The following HEATR5B variants were observed in gnomAD, a reference collection of about 807,000 sequenced individuals.
HEATR5B encodes the protein HEAT repeat-containing protein 5B.
A neutral mutation model predicts 224.1 loss-of-function variants in HEATR5B; 156 were observed. The ratio of observed to expected loss-of-function variants is 0.70; its 90% CI spans 0.61 to 0.80. The LOEUF is 0.80. HEATR5B is among the 30% of genes least tolerant of loss of function. The pLI, the probability that HEATR5B is intolerant of heterozygous loss-of-function variation, is 0.00. For missense variants in HEATR5B, 2,323 were observed against 2,535.5 expected, an observed-to-expected ratio of 0.92 and a Z score of 1.80; for synonymous variants, 1,027 against 893.0, an observed-to-expected ratio of 1.15 and a Z score of -2.68.
intron 18 of HEATR5B, among the ~76,000 whole-genome samples, chr2:37,042,073 T>C (rs1669906648): frequency 6.6e-6 from 1 of 152,022 alleles, no homozygotes; most frequent in South Asian, 2.1e-4. Context: ...TGAATTCAAA[T>C]ACATAAAAAG....
At chr2:37,040,806 G>C (rs1669824659) in intron 19 of HEATR5B, among the ~76,000 whole-genome samples, 1 of 151,700 alleles carries the variant, frequency 6.6e-6, no homozygotes, top group South Asian at 2.1e-4. Context: ...ATCACAGGAA[G>C]AGAGAGAAGG....
In HEATR5B at chr2:37,056,349, T is replaced by G; in HGVS notation, c.2399+91A>C. 4.8e-6 allele frequency: 4 copies of G among 827,894 alleles called. 1 individual carries two copies. In the South Asian group the frequency reaches 9.5e-5, roughly 20 times the overall value. The allele number at this position is 827,894 out of a possible 1,614,324, so 51.3% of individuals were successfully genotyped here. On this transcript the variant is annotated intron_variant, in intron 16 of 35. Coordinates refer to ENST00000233099, the MANE Select transcript of HEATR5B (RefSeq NM_019024.3). ...GTTTTAAGTATTATAATAACTCACT[T>G]TATTGCAGAGTTAACTGGGATGAGA...
At chr2:37,008,069 G>GA in intron 28 of HEATR5B, 1 of 156,202 alleles carries the variant, frequency 6.4e-6, no homozygotes, top group Non-Finnish European at 1.4e-5. Flanking sequence ...ATTAAGGAAG[G>GA]AAAAAAGGGG....
Position 37,052,899 on chromosome 2 carries a change from C to CT in HEATR5B, c.2505+602dup, listed in dbSNP as rs1241710281. On this transcript the variant is annotated intron_variant, in intron 17 of 35. Coordinates refer to ENST00000233099, the MANE Select transcript of HEATR5B (RefSeq NM_019024.3). ...ACTCAGAATGTTGCACAATTGAAAA[C>CT]TTATAAATTATTTCGGGAAATTTCC... 3.3e-5 allele frequency among the ~76,000 whole-genome samples: 5 copies of CT among 152,284 alleles called. No homozygotes were observed. In the South Asian group the frequency reaches 1.0e-3, roughly 32 times the overall value.
At chr2:37,065,683 G>T in intron 9 of HEATR5B, 72 bp downstream of exon 9, 2 of 1,279,320 alleles carry the variant, frequency 1.6e-6, no homozygotes, top group South Asian at 2.7e-5. Flanking sequence ...AACTAATCAG[G>T]AATTAAATAT....
chr2:37,005,799 A>T (rs759358484), intron 29 of HEATR5B, 40 bp from the exon 30 acceptor site: 8 of 1,484,896 alleles, frequency 5.4e-6, no homozygotes, highest in Non-Finnish European at 6.3e-6. Context: ...TTCACTTATA[A>T]AACACTTTAT....
At chr2:36,988,612 C>G (rs1286327576) in intron 35 of HEATR5B, 34 bp downstream of exon 35, 1 of 1,524,958 alleles carries the variant, frequency 6.6e-7, no homozygotes, top group Admixed American at 1.7e-5. Flanking sequence ...GATCTTCATT[C>G]TGAACTAGTA....
intron 23 of HEATR5B, 113 bp downstream of exon 23, chr2:37,028,568 C>A (rs1363043101): frequency 1.5e-5 from 12 of 781,666 alleles, no homozygotes; most frequent in Middle Eastern, 4.0e-4. Context: ...AAAGTTATTA[C>A]TTTTAAATAA....
chr2:36,991,426 T>C (rs1303702280), intron 33 of HEATR5B, among the ~76,000 whole-genome samples: 1 of 142,550 alleles, frequency 7.0e-6, no homozygotes, highest in Non-Finnish European at 1.5e-5. Context: ...ACCGGGGAGG[T>C]GGAGGTTGCA....
chr2:37,062,331 G>A (rs2148563697), intron 10 of HEATR5B, among the ~76,000 whole-genome samples: 1 of 152,308 alleles, frequency 6.6e-6, no homozygotes, highest in Admixed American at 6.5e-5. Context: ...TTGGGAGGCT[G>A]AGGCAGGAGA....
chr2:37,044,900 T>A (rs1227636715), intron 18 of HEATR5B, among the ~76,000 whole-genome samples: 2 of 152,222 alleles, frequency 1.3e-5, no homozygotes, highest in Non-Finnish European at 2.9e-5. Context: ...ACTGGAATGA[T>A]CTTTTCTCAA....
At chr2:37,051,249 G>A (rs1041660147) in intron 17 of HEATR5B, among the ~76,000 whole-genome samples, 7 of 148,992 alleles carry the variant, frequency 4.7e-5, no homozygotes, top group Non-Finnish European at 7.4e-5. Flanking sequence ...TCAGCTACTC[G>A]GGAGGCTGAG....
At chr2:37,064,530 C>T (rs563092534) in intron 10 of HEATR5B, among the ~76,000 whole-genome samples, 15 of 151,982 alleles carry the variant, frequency 9.9e-5, no homozygotes, top group African/African-American at 2.4e-4. Context: ...TAACATGTTA[C>T]TAGACTTGGA....
intron 30 of HEATR5B, among the ~76,000 whole-genome samples, 192 bp from the exon 31 acceptor site, chr2:37,003,878 C>T (rs1667248836): frequency 6.6e-6 from 1 of 152,152 alleles, no homozygotes; most frequent in African/African-American, 2.4e-5. Flanking sequence ...TATGTATTTT[C>T]AAGCAACAAA....
Position 36,994,224 on chromosome 2 carries a change from G to A in HEATR5B, c.5546-3425C>T, listed in dbSNP as rs1055918726. 2.0e-5 allele frequency among the ~76,000 whole-genome samples: 3 copies of A among 152,248 alleles called. 1 individual carries two copies. The South Asian group carries it at 6.2e-4, about 32-fold the overall frequency. ...AAAATGTTGACAACTGGTGAATCTA[G>A]GAGAAGGGTATGCTGGAGTTCCTTA... On this transcript the variant is annotated intron_variant, in intron 33 of 35. Coordinates refer to ENST00000233099, the MANE Select transcript of HEATR5B (RefSeq NM_019024.3).
At chr2:37,020,499 G>A (rs150065596) in intron 25 of HEATR5B, among the ~76,000 whole-genome samples, 156 bp downstream of exon 25, 111 of 152,286 alleles carry the variant, frequency 7.3e-4, no homozygotes, top group African/African-American at 2.6e-3. Flanking sequence ...TTTGTGGGGT[G>A]ACTAAAACTA....
chr2:37,044,874 C>G lies in HEATR5B; in HGVS notation c.2697-3582G>C, dbSNP rs149129364. On this transcript the variant is annotated intron_variant, in intron 18 of 35. Coordinates refer to ENST00000233099, the MANE Select transcript of HEATR5B (RefSeq NM_019024.3). ...CTCTACGCCTCATTTTTGATAGTTT[C>G]TATGTCTTCAACATCACTGGAATGA... 2.6e-4 allele frequency among the ~76,000 whole-genome samples: 40 copies of G among 152,252 alleles called. 1 individual carries two copies. The highest frequency in any genetic ancestry group is 9.6e-4 in the African/African-American group (40 of 41,548).
At chr2:37,005,205 C>T (rs1016767912) in intron 30 of HEATR5B, among the ~76,000 whole-genome samples, 6 of 152,104 alleles carry the variant, frequency 3.9e-5, no homozygotes, top group Admixed American at 1.3e-4. Flanking sequence ...TCCTAGTGTT[C>T]GTATTTGCTA....
At chr2:36,987,823 C>T (rs1047042074) in intron 35 of HEATR5B, among the ~76,000 whole-genome samples, 1 of 152,120 alleles carries the variant, frequency 6.6e-6, no homozygotes, top group Admixed American at 6.6e-5. Flanking sequence ...AATTCTAGCA[C>T]TTTGAAAGGC....
Sources: allele counts gnomAD v4.1 joint callset (sites outside exome capture counted in the v4.1 genomes callset), GRCh38; gene constraint gnomAD v4.1.1; transcripts MANE v1.5; gene names NCBI Gene and HGNC (gene_info 2026-07-23, HGNC 2026-07-21).